Variants in ATP13A3 observed in about 807,000 individuals in gnomAD.
ATP13A3 encodes the protein ATPase 13A3.
ATP13A3 carries 59 observed loss-of-function variants against 158.1 expected under a neutral mutation model. The ratio of observed to expected loss-of-function variants is 0.37; its 90% CI spans 0.30 to 0.46. ATP13A3 has a LOEUF of 0.46. ATP13A3 is among the 20% of genes least tolerant of loss of function. The pLI is 1.00. For missense variants in ATP13A3, 1,166 were observed against 1,525.2 expected (o/e 0.76, Z 3.92); for synonymous variants, 491 against 504.3 (o/e 0.97, Z 0.35).
At chr3:194,468,443 C>T (rs1720132587) in intron 2 of ATP13A3, among the ~76,000 whole-genome samples, 2 of 145,700 alleles carry the variant, frequency 1.4e-5, no homozygotes, top group Admixed American at 6.7e-5. Context: ...GAAAAAAAAT[C>T]TCACTACATT....
At chr3:194,471,323 C>G (rs1266459879) in intron 2 of ATP13A3, among the ~76,000 whole-genome samples, 95 of 71,526 alleles carry the variant, frequency 1.3e-3, no homozygotes, top group Middle Eastern at 0.016. Context: ...GCAGCAAATT[C>G]TAAAAAAAAA....
In ATP13A3 at chr3:194,450,132, T is replaced by C. The variant is rs1261146290; in HGVS notation, c.970+13A>G. The C allele has an allele frequency of 6.2e-7, 1 of 1,611,910 alleles. No individual in the cohort carries two copies. Among genetic ancestry groups the C allele is most frequent in the South Asian group, 1.1e-5 (1 of 90,644 alleles). ...ATGAACAACTCATGTTGATATTTACTCATTTAGCTTACCTGTTAACATGCT... is the reference window on the plus strand; with the variant it reads ...ATGAACAACTCATGTTGATATTTACCCATTTAGCTTACCTGTTAACATGCT... On this transcript the variant is annotated intron_variant, in intron 11 of 33. Coordinates refer to ENST00000645319, the MANE Select transcript of ATP13A3 (RefSeq NM_001367549.1).
chr3:194,413,876 T>C (rs772744984), intron 31 of ATP13A3, 37 bp from the exon 32 acceptor site: 1 of 1,540,272 alleles, frequency 6.5e-7, no homozygotes, highest in Admixed American at 1.7e-5. Flanking sequence ...AAAATTGTTG[T>C]ATGTAGTCAA....
At chr3:194,415,147 A>C (rs1389090051) in intron 31 of ATP13A3, among the ~76,000 whole-genome samples, 3 of 152,232 alleles carry the variant, frequency 2.0e-5, no homozygotes, top group Non-Finnish European at 4.4e-5. Context: ...AAATTTCAGA[A>C]GAGAGTATCT....
chr3:194,425,298 A>G lies in ATP13A3; in HGVS notation c.3313+44T>C, dbSNP rs767334710. ...AATTATTCTCTTCTACATTAGTTTTAAAGGGGCAAGCAGGGTGGAAATCAC... is the reference window on the plus strand; with the variant it reads ...AATTATTCTCTTCTACATTAGTTTTGAAGGGGCAAGCAGGGTGGAAATCAC... On this transcript the variant is annotated intron_variant, in intron 30 of 33. Transcript: ENST00000645319. The G allele has an allele frequency of 3.3e-6, 5 of 1,529,172 alleles. No individual in the cohort carries two copies. In the Admixed American group the frequency reaches 9.3e-5, roughly 28 times the overall value. The allele number at this position is 1,529,172 out of a possible 1,614,324, so 94.7% of individuals were successfully genotyped here.
chr3:194,419,252 T>C (rs962469191), intron 31 of ATP13A3, among the ~76,000 whole-genome samples: 3 of 152,094 alleles, frequency 2.0e-5, no homozygotes, highest in African/African-American at 7.2e-5. Context: ...TGCAAACATA[T>C]ATGGTAAGTA....
chr3:194,478,258 T>G (rs1052315449), intron 2 of ATP13A3, among the ~76,000 whole-genome samples: 1 of 151,804 alleles, frequency 6.6e-6, no homozygotes, highest in African/African-American at 2.4e-5. Context: ...AAGATTAAAT[T>G]TCTAACCTTA....
chr3:194,485,523 C>T (rs1023209802), intron 2 of ATP13A3, among the ~76,000 whole-genome samples: 16 of 152,202 alleles, frequency 1.1e-4, no homozygotes, highest in Non-Finnish European at 2.1e-4. Context: ...ATTTTAACAA[C>T]GATACTTTTT....
chr3:194,458,994 A>C (rs547680340), intron 6 of ATP13A3: 3 of 154,152 alleles, frequency 1.9e-5, no homozygotes, highest in African/African-American at 7.2e-5. Context: ...ATGTGTACTT[A>C]TATAACTTAA....
intron 16 of ATP13A3, among the ~76,000 whole-genome samples, chr3:194,439,599 A>G (rs1298719052): frequency 6.6e-6 from 1 of 152,264 alleles, no homozygotes. Flanking sequence ...AAAATTAGCC[A>G]ATTTTGTACA....
At chr3:194,412,414 G>A (rs1359532776) in intron 32 of ATP13A3, 126 bp from the exon 33 acceptor site, 1 of 711,606 alleles carries the variant, frequency 1.4e-6, no homozygotes, top group Non-Finnish European at 2.4e-6. Flanking sequence ...TTCATATATG[G>A]AATTTCAGTT....
chr3:194,447,384 C>T (rs760551514), intron 13 of ATP13A3, among the ~76,000 whole-genome samples: 42 of 152,174 alleles, frequency 2.8e-4, no homozygotes, highest in Non-Finnish European at 5.4e-4. Context: ...ACACATGACA[C>T]ACTTCAAAGC....
chr3:194,418,042 T>TGAAGGAAG (rs374456704), intron 31 of ATP13A3, among the ~76,000 whole-genome samples: 1 of 138,734 alleles, frequency 7.2e-6, no homozygotes, highest in African/African-American at 2.7e-5. Flanking sequence ...AAAGAAGGAA[T>TGAAGGAAG]GAAGGAAGGA....
intron 2 of ATP13A3, among the ~76,000 whole-genome samples, chr3:194,478,421 T>C (rs969876522): frequency 1.3e-5 from 2 of 151,774 alleles, no homozygotes; most frequent in African/African-American, 4.8e-5. Context: ...GGATGTAAAC[T>C]TGATCAAGCA....
intron 27 of ATP13A3, among the ~76,000 whole-genome samples, chr3:194,429,211 T>C (rs1717037044): frequency 6.6e-6 from 1 of 152,146 alleles, no homozygotes; most frequent in African/African-American, 2.4e-5. Flanking sequence ...GGCAGATCAC[T>C]AGGTCAAGAG....
chr3:194,421,153 A>AGTTTATATATATATACTATATATATAGTT (rs376115821), intron 30 of ATP13A3, among the ~76,000 whole-genome samples: 6 of 4,100 alleles, frequency 1.5e-3, no homozygotes, highest in Non-Finnish European at 2.8e-3. Flanking sequence ...ATATATATAT[A>AGTTTATATATATATACTATATATATAGTT]TATATATATA....
At chr3:194,484,659 G>GA (rs1274382664) in intron 2 of ATP13A3, among the ~76,000 whole-genome samples, 1 of 152,140 alleles carries the variant, frequency 6.6e-6, no homozygotes, top group Non-Finnish European at 1.5e-5. Flanking sequence ...TTATAATCTC[G>GA]AAAATCTTGA....
upstream of ATP13A3, among the ~76,000 whole-genome samples, chr3:194,487,232 G>A (rs1352985707): frequency 6.6e-6 from 1 of 152,206 alleles, no homozygotes; most frequent in Non-Finnish European, 1.5e-5. Flanking sequence ...GCTAATGGAG[G>A]GCGGCTTTTC....
intron 31 of ATP13A3, among the ~76,000 whole-genome samples, chr3:194,417,812 T>C (rs1466947265): frequency 6.6e-6 from 1 of 151,702 alleles, no homozygotes; most frequent in East Asian, 1.9e-4. Context: ...AATTTTAAAA[T>C]TTGCTGGGTG....
Sources: allele counts gnomAD v4.1 joint callset (sites outside exome capture counted in the v4.1 genomes callset), GRCh38; gene constraint gnomAD v4.1.1; transcripts MANE v1.5; gene names NCBI Gene and HGNC (gene_info 2026-07-23, HGNC 2026-07-21).